The following LINGO2 variants were observed in gnomAD, a reference collection of about 807,000 sequenced individuals.
LINGO2 encodes leucine rich repeat and Ig domain containing 2.
A neutral mutation model predicts 30.6 loss-of-function variants in LINGO2; 14 were observed. The ratio of observed to expected loss-of-function variants is 0.46; its 90% CI spans 0.30 to 0.72. The LOEUF is 0.72. LINGO2 is among the 30% of genes least tolerant of loss of function. The pLI, the probability that LINGO2 is intolerant of heterozygous loss-of-function variation, is 0.07. For synonymous variants in LINGO2, 317 were observed against 288.5 expected, an observed-to-expected ratio of 1.10 and a Z score of -1.00; for missense variants, 729 against 751.7, an observed-to-expected ratio of 0.97 and a Z score of 0.35.
the LINGO2 span, among the ~76,000 whole-genome samples, chr9:28,746,844 C>T: frequency 6.6e-6 from 1 of 152,010 alleles, no homozygotes; most frequent in African/African-American, 2.4e-5. Flanking sequence ...GTTCCCATGA[C>T]CTCGGAAACT....
the LINGO2 span, among the ~76,000 whole-genome samples, chr9:28,676,722 T>A: frequency 6.6e-6 from 1 of 152,116 alleles, no homozygotes; most frequent in Non-Finnish European, 1.5e-5. Flanking sequence ...CTTGCCCTTT[T>A]TAGAGAGGTA....
intron 5 of LINGO2, among the ~76,000 whole-genome samples, chr9:27,968,480 A>G (rs2118712833): frequency 6.6e-6 from 1 of 152,194 alleles, no homozygotes; most frequent in South Asian, 2.1e-4. Flanking sequence ...AACATAGTTA[A>G]GGAAAAATAC....
chr9:27,997,012 TTC>T (rs1355621257), intron 5 of LINGO2, among the ~76,000 whole-genome samples: 5 of 152,358 alleles, frequency 3.3e-5, no homozygotes, highest in African/African-American at 7.2e-5. Context: ...GTTTCAAAAA[TTC>T]TCTTATGTCA....
exon 6 of LINGO2, chr9:27,950,171 A>G: frequency 1.2e-6 from 2 of 1,614,100 alleles, no homozygotes; most frequent in Middle Eastern, 1.6e-4. Flanking sequence ...TGTGTGATAT[A>G]TAAACCAAAT....
the LINGO2 span, among the ~76,000 whole-genome samples, chr9:28,943,955 T>C: frequency 1.3e-5 from 2 of 152,226 alleles, no homozygotes; most frequent in African/African-American, 4.8e-5. Flanking sequence ...CACGGAAGAA[T>C]GCATGAGTTC....
intron 3 of LINGO2, among the ~76,000 whole-genome samples, chr9:28,304,196 T>A (rs1409864407): frequency 6.6e-6 from 1 of 151,208 alleles, no homozygotes; most frequent in African/African-American, 2.4e-5. Context: ...AAATCCTTAC[T>A]GATACAGAAA....
chr9:28,740,060 T>A, the LINGO2 span, among the ~76,000 whole-genome samples: 1 of 151,682 alleles, frequency 6.6e-6, no homozygotes, highest in African/African-American at 2.4e-5. Flanking sequence ...AATTTCCTTT[T>A]GTTTTTGATT....
chr9:28,452,453 T>C (rs1824684877), intron 2 of LINGO2, among the ~76,000 whole-genome samples: 1 of 151,788 alleles, frequency 6.6e-6, no homozygotes, highest in Non-Finnish European at 1.5e-5. Context: ...ACAATAAACA[T>C]GAAAACTGAA....
chr9:28,735,473 T>A, the LINGO2 span, among the ~76,000 whole-genome samples: 1 of 152,166 alleles, frequency 6.6e-6, no homozygotes, highest in Non-Finnish European at 1.5e-5. Context: ...AGTAAATATT[T>A]CAACTTATAA....
the LINGO2 span, among the ~76,000 whole-genome samples, chr9:28,805,254 T>C: frequency 4.6e-5 from 7 of 152,184 alleles, no homozygotes; most frequent in Non-Finnish European, 1.0e-4. Context: ...CCTGCAAAGG[T>C]ATACATTTCA....
chr9:28,583,915 T>C (rs896493989), intron 1 of LINGO2, among the ~76,000 whole-genome samples: 2 of 152,038 alleles, frequency 1.3e-5, no homozygotes, highest in African/African-American at 4.8e-5. Flanking sequence ...ATTAACATCA[T>C]TATCAATCAC....
At chr9:28,301,631 C>T (rs1297884522) in intron 3 of LINGO2, among the ~76,000 whole-genome samples, 2 of 149,642 alleles carry the variant, frequency 1.3e-5, no homozygotes, top group Admixed American at 1.3e-4. Context: ...CAGCATTTTC[C>T]CACAACTTTT....
intron 1 of LINGO2, among the ~76,000 whole-genome samples, chr9:28,635,137 A>C (rs1390220610): frequency 1.3e-5 from 2 of 152,196 alleles, no homozygotes; most frequent in African/African-American, 4.8e-5. Context: ...TTCACTCTTG[A>C]AACTTTCAGT....
chr9:28,632,335 G>T (rs1826984513), intron 1 of LINGO2, among the ~76,000 whole-genome samples: 1 of 151,910 alleles, frequency 6.6e-6, no homozygotes, highest in African/African-American at 2.4e-5. Context: ...CTGTGGGCAG[G>T]GAAACTGCAA....
chr9:28,998,413 A>C, the LINGO2 span, among the ~76,000 whole-genome samples: 42 of 152,274 alleles, frequency 2.8e-4, no homozygotes, highest in African/African-American at 9.6e-4. Flanking sequence ...TTTTTAACAC[A>C]AAGAGCTTAT....
At chr9:28,330,936 T>G (rs903448040) in intron 3 of LINGO2, among the ~76,000 whole-genome samples, 5 of 152,170 alleles carry the variant, frequency 3.3e-5, no homozygotes, top group Non-Finnish European at 7.3e-5. Context: ...GACATGAAGA[T>G]CTGGTAGGAT....
rs1257281616 is a variant in LINGO2, at chr9:28,129,289, C to T, written c.-86-116884G>A. Among the ~76,000 whole-genome samples, 1 of 152,128 alleles carries T rather than the reference C, an allele frequency of 6.6e-6. No homozygotes were observed. The highest frequency in any genetic ancestry group is 6.5e-5 in the Admixed American group (1 of 15,276). On this transcript the variant is annotated intron_variant, in intron 4 of 5. Transcript: ENST00000379992. The surrounding 1 kb of genome is among the most constrained non-coding windows in gnomAD (Gnocchi z 4.0). The stretch of plus-strand genomic sequence containing the variant: ...AACTCCTTTTGGTATATACATATAT[C>T]CTATTAGTTGTATCCCTCTGGAGAA...
rs549025261 is a variant in LINGO2, at chr9:28,553,446, G to C, written c.-364-77421C>G. Among the ~76,000 whole-genome samples, 12 of 152,082 alleles carry C rather than the reference G, an allele frequency of 7.9e-5. No homozygotes were observed. In the South Asian group the frequency reaches 8.3e-4, roughly 11 times the overall value. On this transcript the variant is annotated intron_variant, in intron 1 of 5. Coordinates refer to ENST00000379992, the Ensembl canonical transcript of LINGO2. The stretch of plus-strand genomic sequence containing the variant: ...AATGAAGTGAGAAGGGAAGTTTAGA[G>C]AAAAAAGAATAAAAAGAAACGAGCA...
At chr9:28,519,380 A>G (rs1220984675) in intron 1 of LINGO2, among the ~76,000 whole-genome samples, 4 of 152,166 alleles carry the variant, frequency 2.6e-5, no homozygotes, top group Non-Finnish European at 5.9e-5. Flanking sequence ...CATCTCTTAA[A>G]TAAGTTGTTC....
Sources: allele counts gnomAD v4.1 joint callset (sites outside exome capture counted in the v4.1 genomes callset), GRCh38; gene constraint gnomAD v4.1.1; non-coding constraint Gnocchi (gnomAD v3.1); transcripts MANE v1.5; gene names NCBI Gene and HGNC (gene_info 2026-07-23, HGNC 2026-07-21).